IST1: variants seen among roughly 807,000 people sequenced by gnomAD.
IST1 encodes the protein IST1 homolog.
A neutral mutation model predicts 37.0 loss-of-function variants in IST1; 23 were observed. That is an observed-to-expected ratio of 0.62 (90% CI 0.45 to 0.88). IST1 has a LOEUF of 0.88. Among genes scored for constraint, IST1 ranks in the 40% least tolerant of loss-of-function variants. IST1 has a pLI of 0.00. For missense variants in IST1, 488 were observed against 445.4 expected (o/e 1.10, Z -0.86); for synonymous variants, 180 against 161.7 (o/e 1.11, Z -0.86).
chr16:71,929,532 A>G lies in IST1; in HGVS notation c.*1719A>G. The stretch of plus-strand genomic sequence containing the variant: ...TAAATACTAAGCCAAGTAGGAGATA[A>G]CAGGATTAAGGTAGTTCATCTAAAA... On this transcript the variant is annotated 3_prime_UTR_variant, in exon 10 of 10. Transcript: ENST00000378799. 1 of 1,546,420 alleles carries G rather than the reference A, an allele frequency of 6.5e-7. No individual in the cohort carries two copies. The highest frequency in any genetic ancestry group is 8.7e-7 in the Non-Finnish European group (1 of 1,145,594).
intron 7 of IST1, chr16:71,922,889 G>T (rs2142590812): frequency 1.7e-6 from 1 of 598,970 alleles, no homozygotes; most frequent in African/African-American, 1.9e-5. Flanking sequence ...TAGAGTTGGT[G>T]CTAGAAAAAC....
At chr16:71,895,642 G>C (rs1280216811) in intron 1 of IST1, 53 bp downstream of exon 1, 3 of 770,038 alleles carry the variant, frequency 3.9e-6, no homozygotes, top group East Asian at 1.3e-4. Context: ...TTCTCTCTGC[G>C]CTCCTGATTT....
intron 1 of IST1, among the ~76,000 whole-genome samples, chr16:71,898,871 A>G (rs917874959): frequency 1.3e-5 from 2 of 151,530 alleles, no homozygotes; most frequent in East Asian, 1.9e-4. Context: ...AGGCTGAGGC[A>G]GGAGAATCAC....
intron 1 of IST1, among the ~76,000 whole-genome samples, chr16:71,911,688 C>A (rs556337195): frequency 1.3e-5 from 2 of 148,260 alleles, no homozygotes; most frequent in African/African-American, 5.0e-5. Context: ...AACTGTTCTT[C>A]AGGATAGACA....
rs1028861255 is a variant in IST1, at chr16:71,916,382, TC to T, written c.89-78del. 7 of 1,381,530 alleles carry T rather than the reference TC, an allele frequency of 5.1e-6. No homozygotes were observed. In the African/African-American group the frequency reaches 5.7e-5, roughly 11 times the overall value. 85.6% of individuals were successfully genotyped at this position (1,381,530 alleles called of 1,614,324 possible). Reference sequence around the variant, plus strand: ...GGATATAGTAGAAACACCCAGTTCTTCCTGTTGGGGGGAGATTGGCCTGTAG... The same window carrying T: ...GGATATAGTAGAAACACCCAGTTCTTCTGTTGGGGGGAGATTGGCCTGTAG... On this transcript the variant is annotated intron_variant, in intron 2 of 9. Transcript: ENST00000378799.
Position 71,930,059 on chromosome 16 carries a change from G to T in IST1, c.*2246G>T. The T allele has an allele frequency of 1.3e-6, 2 of 1,548,262 alleles. No homozygotes were observed. Among genetic ancestry groups the T allele is most frequent in the Non-Finnish European group, 1.7e-6 (2 of 1,145,808 alleles). On this transcript the variant is annotated 3_prime_UTR_variant, in exon 10 of 10. Coordinates refer to ENST00000378799, the MANE Select transcript of IST1 (RefSeq NM_001270975.2). ...TATCTTTTAGTTACCTACCTTAAGC[G>T]ACTTTCTTTCTTTTCCAAAGGCCAT...
intron 1 of IST1, among the ~76,000 whole-genome samples, chr16:71,914,103 C>A (rs576930061): frequency 1.2e-5 from 1 of 80,130 alleles, no homozygotes; most frequent in East Asian, 6.0e-4. Flanking sequence ...CCACTGCGCC[C>A]GGCTGGTTTT....
intron 8 of IST1, chr16:71,924,179 C>A (rs544282494): frequency 6.6e-6 from 3 of 455,746 alleles, no homozygotes; most frequent in Non-Finnish European, 1.3e-5. Context: ...GGAATGAGGT[C>A]GAAAATCTTC....
intron 9 of IST1, among the ~76,000 whole-genome samples, chr16:71,926,029 C>T (rs1381167182): frequency 1.3e-5 from 2 of 152,076 alleles, no homozygotes; most frequent in African/African-American, 2.4e-5. Context: ...CCCCTGTAAT[C>T]CCAGCACCTT....
At chr16:71,925,748 A>G (rs565804676) in intron 9 of IST1, among the ~76,000 whole-genome samples, 1 of 152,148 alleles carries the variant, frequency 6.6e-6, no homozygotes, top group Admixed American at 6.5e-5. Flanking sequence ...ACTTGAGGCC[A>G]GGAGTTTGAG....
Position 71,922,652 on chromosome 16 carries a change from C to T in IST1, c.731C>T (p.Pro244Leu), listed in dbSNP as rs2037631431. The change falls in exon 7 of 10, where the codon CCT becomes CTT. Residue 244 changes from proline (P) to leucine (L), a missense_variant. Coordinates refer to ENST00000378799, the MANE Select transcript of IST1 (RefSeq NM_001270975.2). ...MPMPMPSANT[P>L]FSYPLPKGPS... ...ATGCCTATGCCATCTGCAAATACGC[C>T]TTTCTCATATCCACTGCCAAAGGGA... 1.2e-6 allele frequency: 2 copies of T among 1,612,690 alleles called. No individual in the cohort carries two copies. Among genetic ancestry groups the T allele is most frequent in the Non-Finnish European group, 1.7e-6 (2 of 1,179,654 alleles).
At chr16:71,910,272 C>G (rs1265112118) in intron 1 of IST1, among the ~76,000 whole-genome samples, 1 of 152,058 alleles carries the variant, frequency 6.6e-6, no homozygotes, top group Non-Finnish European at 1.5e-5. Flanking sequence ...TGTATGCTAC[C>G]TGCCCATTAG....
In IST1 at chr16:71,929,494, A is replaced by G. The variant is rs538631546; in HGVS notation, c.*1681A>G. ...AAAGCTATGCCATGCAAAGATAAGT[A>G]GTAATACGCTAATAAATACTAAGCC... On this transcript the variant is annotated 3_prime_UTR_variant, in exon 10 of 10. Coordinates refer to ENST00000378799, the MANE Select transcript of IST1 (RefSeq NM_001270975.2). The G allele has an allele frequency of 2.4e-5, 36 of 1,493,464 alleles. No individual in the cohort carries two copies. Among genetic ancestry groups the G allele is most frequent in the Non-Finnish European group, 3.0e-5 (34 of 1,115,166 alleles). The allele number at this position is 1,493,464 out of a possible 1,614,324, so 92.5% of individuals were successfully genotyped here.
intron 9 of IST1, among the ~76,000 whole-genome samples, 194 bp downstream of exon 9, chr16:71,925,011 A>ATT (rs539063040): frequency 7.3e-4 from 96 of 132,328 alleles, no homozygotes; most frequent in African/African-American, 2.0e-3. Flanking sequence ...TAGCTCAGTG[A>ATT]TTTTTTTTTT....
intron 1 of IST1, among the ~76,000 whole-genome samples, chr16:71,914,351 G>C (rs2037424473): frequency 1.3e-5 from 2 of 151,540 alleles, no homozygotes; most frequent in Admixed American, 1.3e-4. Context: ...TAGTAGAGAT[G>C]GGGTTTCACC....
chr16:71,929,447 A>G lies in IST1; in HGVS notation c.*1634A>G. 7.7e-7 allele frequency: 1 copy of G among 1,290,634 alleles called. No homozygotes were observed. Among genetic ancestry groups the G allele is most frequent in the Non-Finnish European group, 1.0e-6 (1 of 964,094 alleles). The allele number at this position is 1,290,634 out of a possible 1,614,324, so 79.9% of individuals were successfully genotyped here. On this transcript the variant is annotated 3_prime_UTR_variant, in exon 10 of 10. Transcript: ENST00000378799. The stretch of plus-strand genomic sequence containing the variant: ...TTTGATTCCTAACTTACAGAATTAA[A>G]AACAAAGTATATTATAATTTTAAAG...
At chr16:71,896,184 G>T (rs1216648377) in intron 1 of IST1, among the ~76,000 whole-genome samples, 2 of 152,050 alleles carry the variant, frequency 1.3e-5, no homozygotes, top group African/African-American at 4.8e-5. Context: ...CGTGTGTAGT[G>T]AGAGGTCTTG....
At chr16:71,909,632 T>C (rs1483366225) in intron 1 of IST1, among the ~76,000 whole-genome samples, 4 of 152,266 alleles carry the variant, frequency 2.6e-5, no homozygotes, top group African/African-American at 7.2e-5. Flanking sequence ...TACATTTATA[T>C]TGGCCAGTAT....
chr16:71,902,830 A>G (rs11075910), intron 1 of IST1, among the ~76,000 whole-genome samples: 72,022 of 151,898 alleles, frequency 0.47, 18,269 homozygotes, highest in East Asian at 0.92. Context: ...CAGTTTTTAA[A>G]AAATCGTTTT....
Sources: allele counts gnomAD v4.1 joint callset (sites outside exome capture counted in the v4.1 genomes callset), GRCh38; gene constraint gnomAD v4.1.1; transcripts MANE v1.5; gene names NCBI Gene and HGNC (gene_info 2026-07-23, HGNC 2026-07-21).